The following CCNB3 variants were observed in gnomAD, a reference collection of about 807,000 sequenced individuals.
CCNB3 encodes G2/mitotic-specific cyclin-B3.
Under a neutral mutation model 68.0 loss-of-function variants are expected in CCNB3, and 12 were observed. The ratio of observed to expected loss-of-function variants is 0.18; its 90% CI spans 0.11 to 0.29. CCNB3 has a LOEUF of 0.29. Ranked by LOEUF, CCNB3 falls within the 10% of genes least tolerant of loss-of-function variation. The pLI is 1.00. For synonymous variants in CCNB3, 354 were observed against 388.9 expected (o/e 0.91, Z 1.06); for missense variants, 904 against 993.1 (o/e 0.91, Z 1.21).
At chrX:50,202,781 C>T (rs2146966322), upstream of CCNB3, 1 of 111,534 alleles carries the variant, frequency 9.0e-6, no homozygotes, top group South Asian at 3.8e-4. Flanking sequence ...GCACCTGAAT[C>T]CTGTCATCCT....
At chrX:50,279,572 CTA>C (rs1215306994) in intron 1 of CCNB3, among the ~76,000 whole-genome samples, 3 of 83,828 alleles carry the variant, frequency 3.6e-5, no homozygotes, top group African/African-American at 1.3e-4. Context: ...TATATATTTT[CTA>C]TATATAAATA....
intron 5 of CCNB3, among the ~76,000 whole-genome samples, chrX:50,306,626 A>G (rs782691126): frequency 8.9e-6 from 1 of 111,817 alleles, no homozygotes; most frequent in African/African-American, 3.2e-5. Context: ...GCCCTTTATC[A>G]GGTTGAGGAA....
chrX:50,293,702 A>G (rs1557210449), intron 4 of CCNB3, among the ~76,000 whole-genome samples: 1 of 111,572 alleles, frequency 9.0e-6, no homozygotes, highest in African/African-American at 3.3e-5. Context: ...CATCCAAACC[A>G]CTGTAATAAA....
intron 6 of CCNB3, 74 bp downstream of exon 6, chrX:50,311,570 GTTTTTT>G: frequency 6.6e-6 from 4 of 601,864 alleles, no homozygotes; most frequent in Non-Finnish European, 9.4e-6. Flanking sequence ...TAGCAAAGTT[GTTTTTT>G]TTTTTTTGTT....
At chrX:50,210,418 T>A (rs1935464403) in intron 1 of CCNB3, among the ~76,000 whole-genome samples, 1 of 112,217 alleles carries the variant, frequency 8.9e-6, no homozygotes, top group Non-Finnish European at 1.9e-5. Flanking sequence ...TTTGTTGTTG[T>A]TGATGTGAAA....
chrX:50,322,934 G>T (rs371008769), intron 8 of CCNB3, among the ~76,000 whole-genome samples: 1 of 111,409 alleles, frequency 9.0e-6, no homozygotes, highest in Admixed American at 9.5e-5. Context: ...TGCTGGAGAG[G>T]ATGTGGAGAA....
intron 8 of CCNB3, among the ~76,000 whole-genome samples, chrX:50,316,545 C>T (rs1921734056): frequency 8.9e-6 from 1 of 111,775 alleles, no homozygotes; most frequent in Non-Finnish European, 1.9e-5. Context: ...TGTGTAACTG[C>T]CACTATGATT....
chrX:50,311,729 G>A, intron 6 of CCNB3, among the ~76,000 whole-genome samples: 1 of 110,204 alleles, frequency 9.1e-6, no homozygotes. Flanking sequence ...GATAGGTGAT[G>A]CAGAATCATC....
upstream of CCNB3, among the ~76,000 whole-genome samples, chrX:50,203,264 A>G (rs782169044): frequency 1.8e-4 from 20 of 112,431 alleles, no homozygotes; most frequent in African/African-American, 6.5e-4. Context: ...GATAATAAAA[A>G]TGGGACCTGC....
intron 8 of CCNB3, among the ~76,000 whole-genome samples, chrX:50,329,827 A>T (rs1922504706): frequency 8.9e-6 from 1 of 111,946 alleles, no homozygotes; most frequent in Non-Finnish European, 1.9e-5. Context: ...TTCCTCTTTA[A>T]ATATAAACTC....
At chrX:50,303,859 T>A (rs1557213100) in intron 5 of CCNB3, among the ~76,000 whole-genome samples, 2 of 111,598 alleles carry the variant, frequency 1.8e-5, no homozygotes, top group Non-Finnish European at 3.8e-5. Context: ...ATTTGTTTTT[T>A]CTTTTGTTGT....
Position 50,313,965 on chromosome X carries a change from C to T in CCNB3, c.3516+17C>T. On this transcript the variant is annotated intron_variant, in intron 8 of 12. Transcript: ENST00000376042. ...GAGGTGCAGGTAAGCCTGACAACTC[C>T]TGCCTTAAGGAGCTGCTGTTCTCTT... 1 of 1,141,884 alleles carries T rather than the reference C, an allele frequency of 8.8e-7. No individual in the cohort carries two copies. The highest frequency in any genetic ancestry group is 1.2e-6 in the Non-Finnish European group (1 of 833,378). The allele number at this position is 1,141,884 out of a possible 1,213,427, so 94.1% of individuals were successfully genotyped here.
chrX:50,335,569 G>A (rs1263869956), intron 8 of CCNB3, among the ~76,000 whole-genome samples: 1 of 111,737 alleles, frequency 8.9e-6, no homozygotes, highest in Non-Finnish European at 1.9e-5. Flanking sequence ...TCTGGGAACC[G>A]GATACTGCTT....
intron 1 of CCNB3, among the ~76,000 whole-genome samples, chrX:50,228,115 AAAT>A (rs1307038947): frequency 5.5e-5 from 5 of 90,712 alleles, no homozygotes; most frequent in Non-Finnish European, 1.0e-4. Flanking sequence ...GAGAATATAT[AAAT>A]AATATATGAA....
At chrX:50,203,386 TCA>T (rs1295929953), upstream of CCNB3, among the ~76,000 whole-genome samples, 1 of 112,472 alleles carries the variant, frequency 8.9e-6, no homozygotes, top group Non-Finnish European at 1.9e-5. Flanking sequence ...TCTTCCAGCC[TCA>T]GATTTAGCCT....
intron 2 of CCNB3, among the ~76,000 whole-genome samples, chrX:50,284,818 C>T (rs1050388021): frequency 1.8e-5 from 2 of 111,519 alleles, no homozygotes; most frequent in African/African-American, 6.5e-5. Flanking sequence ...TCCCAGCGTT[C>T]ACAGAGGATG....
Position 50,346,725 on chromosome X carries a change from G to A in CCNB3, c.3728G>A (p.Ser1243Asn). 1 of 1,211,114 alleles carries A rather than the reference G, an allele frequency of 8.3e-7. No individual in the cohort carries two copies. The highest frequency in any genetic ancestry group is 1.1e-6 in the Non-Finnish European group (1 of 894,865). Residue 1243 changes from serine to asparagine, a missense_variant, in exon 10 of 13, where the codon AGC becomes AAC. This residue lies in a region of CCNB3 where 285 missense variants were observed against 383.4 expected (regional missense o/e 0.74). Coordinates refer to ENST00000376042, the MANE Select transcript of CCNB3 (RefSeq NM_033031.3). ...DDNYQRSEVL[S>N]MEINILNVLK... ...AATTATCAGCGATCTGAGGTACTCA[G>A]CATGGAAATCAACATCCTGAACGTC...
intron 8 of CCNB3, among the ~76,000 whole-genome samples, chrX:50,322,557 T>A (rs1350187075): frequency 9.0e-6 from 1 of 111,198 alleles, no homozygotes; most frequent in African/African-American, 3.3e-5. Flanking sequence ...GCAACAAAAG[T>A]AAAAATTGAC....
At chrX:50,308,408 C>G in intron 5 of CCNB3, 97 bp from the exon 6 acceptor site, 1 of 570,704 alleles carries the variant, frequency 1.8e-6, no homozygotes, top group East Asian at 3.6e-5. Context: ...AGCCCCTTCC[C>G]CTTTCATACC....
Sources: gnomAD v4.1 joint callset for allele counts (sites outside exome capture counted in the v4.1 genomes callset) on GRCh38, gnomAD v4.1.1 for gene constraint, gnomAD v4.1.1 regional missense constraint, MANE v1.5 for transcripts, NCBI Gene and HGNC (gene_info 2026-07-23, HGNC 2026-07-21) for gene names.